The following UVRAG variants were observed in gnomAD, a reference collection of about 807,000 sequenced individuals.
UVRAG encodes UV radiation resistance associated.
Under a neutral mutation model 78.0 loss-of-function variants are expected in UVRAG, and 19 were observed. The ratio of observed to expected loss-of-function variants is 0.24; its 90% CI spans 0.17 to 0.36. The LOEUF (loss-of-function observed/expected upper bound fraction) is 0.36. Among genes scored for constraint, UVRAG ranks in the 10% least tolerant of loss-of-function variants. The pLI, the probability that UVRAG is intolerant of heterozygous loss-of-function variation, is 1.00. For missense variants in UVRAG, 740 were observed against 853.8 expected, an observed-to-expected ratio of 0.87 and a Z score of 1.66; for synonymous variants, 323 against 324.6, an observed-to-expected ratio of 1.00 and a Z score of 0.05.
chr11:75,979,038 G>A (rs192904710), intron 7 of UVRAG, among the ~76,000 whole-genome samples: 37 of 152,280 alleles, frequency 2.4e-4, no homozygotes, highest in African/African-American at 8.2e-4. Flanking sequence ...TGATGGTGAC[G>A]TACAGATGGG....
At chr11:76,043,616 G>A (rs533832875) in intron 12 of UVRAG, among the ~76,000 whole-genome samples, 1 of 152,228 alleles carries the variant, frequency 6.6e-6, no homozygotes, top group South Asian at 2.1e-4. Context: ...AAGTATTTTT[G>A]TATGATACAG....
chr11:75,987,675 T>C (rs1211685668), intron 8 of UVRAG, among the ~76,000 whole-genome samples: 1 of 152,178 alleles, frequency 6.6e-6, no homozygotes, highest in African/African-American at 2.4e-5. Flanking sequence ...TAAGCATTTT[T>C]GTAGTTCTTA....
intron 14 of UVRAG, among the ~76,000 whole-genome samples, chr11:76,126,805 T>C (rs1298604758): frequency 6.6e-6 from 1 of 152,160 alleles, no homozygotes; most frequent in African/African-American, 2.4e-5. Flanking sequence ...TTTCCAGAAA[T>C]AAAGACTAGA....
At chr11:76,082,576 T>A (rs942565659) in intron 13 of UVRAG, among the ~76,000 whole-genome samples, 1 of 151,874 alleles carries the variant, frequency 6.6e-6, no homozygotes, top group Non-Finnish European at 1.5e-5. Flanking sequence ...TAACAATTTT[T>A]TAAACTGTAT....
intron 7 of UVRAG, among the ~76,000 whole-genome samples, chr11:75,969,032 G>A (rs1208479856): frequency 6.6e-6 from 1 of 151,824 alleles, no homozygotes; most frequent in Non-Finnish European, 1.5e-5. Context: ...ATTTTTAAAT[G>A]TACAGCCCAG....
At chr11:75,879,609 AAATG>A (rs775276890) in intron 3 of UVRAG, among the ~76,000 whole-genome samples, 1 of 152,230 alleles carries the variant, frequency 6.6e-6, no homozygotes. Context: ...AGTGTCGAAT[AAATG>A]AATGAATTAC....
chr11:76,103,587 G>A (rs1951919671), intron 13 of UVRAG, among the ~76,000 whole-genome samples: 2 of 147,748 alleles, frequency 1.4e-5, no homozygotes. Context: ...CAACCAGAGA[G>A]ACTAAACAGT....
Position 75,976,638 on chromosome 11 carries a change from T to G in UVRAG, c.700-6749T>G, listed in dbSNP as rs140907633. 6.0e-4 allele frequency among the ~76,000 whole-genome samples: 92 copies of G among 152,348 alleles called. 1 individual carries two copies. Among genetic ancestry groups the G allele is most frequent in the African/African-American group, 2.2e-3 (90 of 41,582 alleles). On this transcript the variant is annotated intron_variant, in intron 7 of 14. Transcript: ENST00000356136. ...GGAATGTATCTATTTCTTCTAGATT[T>G]TCTAGTTTATTTACATAGAGGTGTT...
chr11:75,993,613 CA>C (rs1306736382), intron 8 of UVRAG, among the ~76,000 whole-genome samples: 4 of 152,102 alleles, frequency 2.6e-5, no homozygotes, highest in Non-Finnish European at 5.9e-5. Context: ...AACACTCTAT[CA>C]AAATTAGTTT....
At chr11:75,963,472 C>T (rs1948949252) in intron 7 of UVRAG, among the ~76,000 whole-genome samples, 1 of 152,162 alleles carries the variant, frequency 6.6e-6, no homozygotes, top group South Asian at 2.1e-4. Flanking sequence ...TGAGGTTTAC[C>T]TATAGCATAT....
At chr11:75,916,344 T>C (rs1821513092) in intron 6 of UVRAG, 1 of 152,224 alleles carries the variant, frequency 6.6e-6, no homozygotes, top group Admixed American at 6.5e-5. Flanking sequence ...ATTGTTAGAA[T>C]TAAATAAGAT....
chr11:76,083,020 G>A (rs1027644743), intron 13 of UVRAG, among the ~76,000 whole-genome samples: 10 of 152,092 alleles, frequency 6.6e-5, no homozygotes, highest in Admixed American at 3.3e-4. Flanking sequence ...GACAGAGACC[G>A]TGTCTCAAAA....
chr11:76,139,076 C>T (rs73500016), intron 14 of UVRAG, among the ~76,000 whole-genome samples: 4,546 of 152,104 alleles, frequency 0.03, 228 homozygotes, highest in African/African-American at 0.1. Flanking sequence ...CTATATGTAC[C>T]CCAGTGACCA....
intron 13 of UVRAG, among the ~76,000 whole-genome samples, chr11:76,070,254 T>C (rs1206004342): frequency 1.3e-5 from 2 of 152,112 alleles, no homozygotes; most frequent in East Asian, 1.9e-4. Flanking sequence ...AATGTAAAAG[T>C]TGAATAACTA....
chr11:75,858,643 A>G (rs1946345853), intron 2 of UVRAG, among the ~76,000 whole-genome samples: 1 of 152,222 alleles, frequency 6.6e-6, no homozygotes, highest in Non-Finnish European at 1.5e-5. Flanking sequence ...AATTACTAGG[A>G]CAAAGAGAAT....
chr11:76,014,105 T>G (rs747070121), intron 11 of UVRAG, among the ~76,000 whole-genome samples: 25 of 152,242 alleles, frequency 1.6e-4, no homozygotes, highest in African/African-American at 2.4e-5. Context: ...CCTTTTTATC[T>G]TTAAACAAAG....
intron 1 of UVRAG, among the ~76,000 whole-genome samples, chr11:75,827,245 T>C (rs1302622719): frequency 6.6e-6 from 1 of 151,796 alleles, no homozygotes. Flanking sequence ...CTCTTTAACA[T>C]GAGTGTAGCT....
At chr11:76,044,276 G>A (rs1400757997) in intron 12 of UVRAG, among the ~76,000 whole-genome samples, 1 of 152,164 alleles carries the variant, frequency 6.6e-6, no homozygotes, top group Non-Finnish European at 1.5e-5. Context: ...AAGAGAATGG[G>A]CATTGGGGCA....
At chr11:75,940,796 T>C (rs1489295534) in intron 6 of UVRAG, among the ~76,000 whole-genome samples, 2 of 152,192 alleles carry the variant, frequency 1.3e-5, no homozygotes, top group Non-Finnish European at 2.9e-5. Flanking sequence ...CACGGGACTT[T>C]TGGTTAATGG....
Sources: gnomAD v4.1 joint callset for allele counts (sites outside exome capture counted in the v4.1 genomes callset) on GRCh38, gnomAD v4.1.1 for gene constraint, MANE v1.5 for transcripts, NCBI Gene and HGNC (gene_info 2026-07-23, HGNC 2026-07-21) for gene names.